The following ASB18 variants were observed in gnomAD, a reference collection of about 807,000 sequenced individuals.
ASB18 encodes the protein ankyrin repeat and SOCS box containing 18, also known as ankyrin repeat and SOCS box protein 18.
ASB18 carries 33 observed loss-of-function variants against 33.4 expected under a neutral mutation model. That is an observed-to-expected ratio of 0.99 (90% CI 0.75 to 1.32). The LOEUF (loss-of-function observed/expected upper bound fraction) is 1.32, where lower values mean the gene tolerates loss of function less well. ASB18 is among the 40% of genes most tolerant of loss of function. ASB18 has a pLI of 0.00. For missense variants in ASB18, 694 were observed against 655.5 expected, an observed-to-expected ratio of 1.06 and a Z score of -0.64; for synonymous variants, 295 against 307.6, an observed-to-expected ratio of 0.96 and a Z score of 0.43.
intron 1 of ASB18, among the ~76,000 whole-genome samples, chr2:236,242,857 C>CAAA (rs58767505): frequency 2.3e-5 from 3 of 128,234 alleles, no homozygotes; most frequent in African/African-American, 5.5e-5. Context: ...CCCATCTCTA[C>CAAA]AAAAAAAAAA....
intron 1 of ASB18, chr2:236,247,409 C>G (rs1380673698): frequency 2.6e-5 from 4 of 151,898 alleles, no homozygotes; most frequent in African/African-American, 9.7e-5. Context: ...CTAACAATAC[C>G]CCTGCCTGCA....
Position 236,223,590 on chromosome 2 carries a change from C to T in ASB18, c.597-8724G>A, listed in dbSNP as rs1034497663. ...CGCAGAAATGCACAGGTCTTAAGAG[C>T]ACAATTGAATGAATTTCAACAAAGG... On this transcript the variant is annotated intron_variant, in intron 3 of 5. Transcript: ENST00000409749. The surrounding 1 kb of genome is among the most constrained non-coding windows in gnomAD (Gnocchi z 4.6). 2.0e-5 allele frequency among the ~76,000 whole-genome samples: 3 copies of T among 152,148 alleles called. No homozygotes were observed. Among genetic ancestry groups the T allele is most frequent in the Non-Finnish European group, 4.4e-5 (3 of 68,030 alleles).
chr2:236,241,308 C>T lies in ASB18; in HGVS notation c.300G>A (p.Val100=). The T allele has an allele frequency of 6.2e-7, 1 of 1,613,786 alleles. No homozygotes were observed. The highest frequency in any genetic ancestry group is 8.5e-7 in the Non-Finnish European group (1 of 1,179,762). ...ATAGTCCAAACGTGGCTGGAGATTT[C>T]ACCTGCCATTCCATCTCATCCTTAT... The part of the protein sequence containing the change: ...EINKDEMEWQ[V]KSPATFGLSG... Residue 100 remains valine, a synonymous_variant, in exon 2 of 6, where the codon GTG becomes GTA. Transcript: ENST00000409749. This position sits in a 1 kb window ranked among gnomAD's most constrained non-coding sequence, Gnocchi z 4.2.
Position 236,239,736 on chromosome 2 carries a change from C to G in ASB18, c.328+1544G>C, listed in dbSNP as rs1468319197. Among the ~76,000 whole-genome samples, 1 of 152,242 alleles carries G rather than the reference C, an allele frequency of 6.6e-6. No individual in the cohort carries two copies. Among genetic ancestry groups the G allele is most frequent in the Non-Finnish European group, 1.5e-5 (1 of 68,050 alleles). On this transcript the variant is annotated intron_variant, in intron 2 of 5. Transcript: ENST00000409749. This position sits in a 1 kb window ranked among gnomAD's most constrained non-coding sequence, Gnocchi z 5.6. The stretch of plus-strand genomic sequence containing the variant: ...CCCTGTACTCAGATCAATCCCTTCC[C>G]CACCAGGGGAGCTGGAATTGGCCAC...
At position 236,245,213 on chromosome 2, in the gene ASB18, G is replaced by T. The variant is rs2060639270; in HGVS notation, c.206-3811C>A. 6.6e-6 allele frequency among the ~76,000 whole-genome samples: 1 copy of T among 152,210 alleles called. No individual in the cohort carries two copies. Among genetic ancestry groups the T allele is most frequent in the African/African-American group, 2.4e-5 (1 of 41,458 alleles). The stretch of plus-strand genomic sequence containing the variant: ...CTCTGGGGCTGCAGAAGGGCCCATT[G>T]GGCTTAGCTCTTGTGGGGTCAGGGC... On this transcript the variant is annotated intron_variant, in intron 1 of 5. Coordinates refer to ENST00000409749, the MANE Select transcript of ASB18 (RefSeq NM_212556.4). This position sits in a 1 kb window ranked among gnomAD's most constrained non-coding sequence, Gnocchi z 4.7.
chr2:236,246,032 C>G (rs190019265), intron 1 of ASB18, among the ~76,000 whole-genome samples: 2 of 152,038 alleles, frequency 1.3e-5, no homozygotes, highest in African/African-American at 2.4e-5. Flanking sequence ...CACCTTCCCC[C>G]ACATGTAGAG....
At position 236,264,253 on chromosome 2, in the gene ASB18, T is replaced by C; in HGVS notation, c.93A>G (p.Arg31=). Residue 31 remains arginine (R), a synonymous_variant, in exon 1 of 6, where the codon AGA becomes AGG. Coordinates refer to ENST00000409749, the MANE Select transcript of ASB18 (RefSeq NM_212556.4). This position sits in a 1 kb window ranked among gnomAD's most constrained non-coding sequence, Gnocchi z 5.1. The stretch of plus-strand genomic sequence containing the variant: ...TTTCAGTGCAGATTAAATCCCTCAC[T>C]CTCTCCTCATCTTTGGCATCCAGGG... The part of the protein sequence containing the change: ...KSALDAKDEE[R]VRDLICTEIT... 6.2e-7 allele frequency: 1 copy of C among 1,613,964 alleles called. No individual in the cohort carries two copies. Among genetic ancestry groups the C allele is most frequent in the Non-Finnish European group, 8.5e-7 (1 of 1,179,866 alleles).
Position 236,238,029 on chromosome 2 carries a change from G to A in ASB18, c.329-73C>T. On this transcript the variant is annotated intron_variant, in intron 2 of 5. Transcript: ENST00000409749. The surrounding 1 kb of genome is among the most constrained non-coding windows in gnomAD (Gnocchi z 5.2). The stretch of plus-strand genomic sequence containing the variant: ...GTGGTGGTGGGCGGTGTTCCTTAAG[G>A]CGGAAAGAAAGTGAAGCCGTCTCTT... The A allele has an allele frequency of 7.5e-7, 1 of 1,325,110 alleles. No individual in the cohort carries two copies. The highest frequency in any genetic ancestry group is 9.8e-7 in the Non-Finnish European group (1 of 1,018,824). 82.1% of individuals were successfully genotyped at this position (1,325,110 alleles called of 1,614,324 possible).
chr2:236,216,750 G>A lies in ASB18; in HGVS notation c.597-1884C>T, dbSNP rs1051095016. Reference sequence around the variant, plus strand: ...AGCCTTTCCAGTGCCAATCAAATGTGCCTGCCAACAACCCCACCACTCCCC... The same window carrying A: ...AGCCTTTCCAGTGCCAATCAAATGTACCTGCCAACAACCCCACCACTCCCC... On this transcript the variant is annotated intron_variant, in intron 3 of 5. Transcript: ENST00000409749. The surrounding 1 kb of genome is among the most constrained non-coding windows in gnomAD (Gnocchi z 6.1). 6.6e-6 allele frequency among the ~76,000 whole-genome samples: 1 copy of A among 152,140 alleles called. No individual in the cohort carries two copies. The highest frequency in any genetic ancestry group is 6.5e-5 in the Admixed American group (1 of 15,274).
chr2:236,258,733 C>T (rs907283731), intron 1 of ASB18, among the ~76,000 whole-genome samples: 6 of 152,050 alleles, frequency 3.9e-5, no homozygotes, highest in African/African-American at 1.2e-4. Context: ...TGCACATGTC[C>T]GTGGTGTGTT....
intron 1 of ASB18, among the ~76,000 whole-genome samples, chr2:236,261,042 C>A (rs970956631): frequency 3.3e-5 from 5 of 152,160 alleles, no homozygotes; most frequent in African/African-American, 1.2e-4. Flanking sequence ...AATAAATCAT[C>A]ATAATCACAG....
intron 1 of ASB18, chr2:236,247,187 A>C (rs1173528087): frequency 2.0e-5 from 3 of 147,580 alleles, no homozygotes; most frequent in Non-Finnish European, 4.4e-5. Context: ...GCATTAGTTC[A>C]TAAGACATGC....
chr2:236,214,724 C>T lies in ASB18; in HGVS notation c.739G>A (p.Ala247Thr). 1.7e-6 allele frequency: 2 copies of T among 1,159,852 alleles called. No individual in the cohort carries two copies. The highest frequency in any genetic ancestry group is 2.1e-6 in the Non-Finnish European group (2 of 942,706). The allele number at this position is 1,159,852 out of a possible 1,614,324, so 71.8% of individuals were successfully genotyped here. A position where few individuals can be genotyped will look rare whatever the true frequency, so the allele number is the denominator to read the frequency against. The change falls in exon 4 of 6, where the codon GCG becomes ACG. Residue 247 changes from alanine to threonine, a missense_variant. Transcript: ENST00000409749. This position sits in a 1 kb window ranked among gnomAD's most constrained non-coding sequence, Gnocchi z 6.5. ...LYLGRGAHVDARNGRGETALS... is the reference protein window; with the variant it reads ...LYLGRGAHVDTRNGRGETALS... ...GCCGTCTCTCCGCGGCCGTTCCTCG[C>T]GTCCACGTGCGCCCCGCGGCCCAGG...
intron 4 of ASB18, among the ~76,000 whole-genome samples, chr2:236,198,121 A>G (rs2060382933): frequency 6.6e-6 from 1 of 152,152 alleles, no homozygotes; most frequent in South Asian, 2.1e-4. Flanking sequence ...TCACTTCACA[A>G]CTTGCCTCCC....
At chr2:236,198,494 A>C (rs2060384684) in intron 4 of ASB18, among the ~76,000 whole-genome samples, 1 of 152,050 alleles carries the variant, frequency 6.6e-6, no homozygotes, top group Non-Finnish European at 1.5e-5. Flanking sequence ...CAGCCTCCCA[A>C]GTAGCTGGGA....
At chr2:236,261,696 G>C (rs2060719436) in intron 1 of ASB18, among the ~76,000 whole-genome samples, 1 of 152,168 alleles carries the variant, frequency 6.6e-6, no homozygotes, top group Admixed American at 6.5e-5. Context: ...TTTTCTTCCT[G>C]CTGATAAAGA....
intron 4 of ASB18, chr2:236,210,483 A>T (rs1419870543): frequency 6.6e-6 from 1 of 152,140 alleles, no homozygotes; most frequent in Admixed American, 6.5e-5. Flanking sequence ...CCGGAATGCA[A>T]TCCATAAGTC....
chr2:236,196,427 TTCTGGG>T lies in ASB18; in HGVS notation c.1102-48_1102-43del. ...AAAGACGCAGCGTAGGCCGACTGGG[TTCTGGG>T]TCTCAGTGGGGAAAGGGTGGGGGGT... is the stretch of plus-strand genomic sequence containing the variant. On this transcript the variant is annotated intron_variant, in intron 4 of 5. Coordinates refer to ENST00000409749, the MANE Select transcript of ASB18 (RefSeq NM_212556.4). The surrounding 1 kb of genome is among the most constrained non-coding windows in gnomAD (Gnocchi z 5.6). 1 of 1,167,682 alleles carries T rather than the reference TTCTGGG, an allele frequency of 8.6e-7. No individual in the cohort carries two copies. Among genetic ancestry groups the T allele is most frequent in the Non-Finnish European group, 1.3e-6 (1 of 798,824 alleles). The allele number at this position is 1,167,682 out of a possible 1,614,324, so 72.3% of individuals were successfully genotyped here.
rs2106260032 is a variant in ASB18, at chr2:236,193,663, G to A, written c.*1209C>T. On this transcript the variant is annotated 3_prime_UTR_variant, in exon 6 of 6. Coordinates refer to ENST00000409749, the MANE Select transcript of ASB18 (RefSeq NM_212556.4). The surrounding 1 kb of genome is among the most constrained non-coding windows in gnomAD (Gnocchi z 5.0). ...AATAAAAAATTAGCCGGGCGTGCTG[G>A]CACATGCCTGTTATCCCAGCTACCA... Among the ~76,000 whole-genome samples the A allele has an allele frequency of 6.6e-6, 1 of 152,302 alleles. No individual in the cohort carries two copies.
Sources: gnomAD v4.1 joint callset for allele counts (sites outside exome capture counted in the v4.1 genomes callset) on GRCh38, gnomAD v4.1.1 for gene constraint, Gnocchi (gnomAD v3.1) non-coding constraint, MANE v1.5 for transcripts, NCBI Gene and HGNC (gene_info 2026-07-23, HGNC 2026-07-21) for gene names.